Variants in SPTAN1 observed in about 807,000 individuals in gnomAD.
SPTAN1 encodes the protein spectrin alpha, non-erythrocytic 1, also known as spectrin alpha chain, non-erythrocytic 1.
Under a neutral mutation model 331.3 loss-of-function variants are expected in SPTAN1, and 61 were observed. That is an observed-to-expected ratio of 0.18 (90% confidence interval 0.15 to 0.23). The LOEUF (loss-of-function observed/expected upper bound fraction) is 0.23. Ranked by LOEUF, SPTAN1 falls within the 10% of genes least tolerant of loss-of-function variation. The probability of loss-of-function intolerance (pLI) is 1.00; values close to 1 mark genes in which losing one functional copy is unlikely to be tolerated. For synonymous variants in SPTAN1, 1,153 were observed against 1,173.9 expected, an observed-to-expected ratio of 0.98 and a Z score of 0.36; for missense variants, 2,043 against 3,147.9, an observed-to-expected ratio of 0.65 and a Z score of 8.40.
intron 27 of SPTAN1, 107 bp from the exon 28 acceptor site, chr9:128,603,436 A>G: frequency 8.7e-7 from 1 of 1,149,378 alleles, no homozygotes; most frequent in Non-Finnish European, 1.3e-6. Context: ...TATCCCTTTA[A>G]GGTAATTTGG....
At chr9:128,585,625 A>G (rs992318562) in intron 18 of SPTAN1, 123 bp from the exon 19 acceptor site, 3 of 831,816 alleles carry the variant, frequency 3.6e-6, no homozygotes, top group Non-Finnish European at 6.0e-6. Context: ...GAATTATGAA[A>G]GGGCACAGCT....
chr9:128,607,919 T>A lies in SPTAN1; in HGVS notation c.4214T>A (p.Leu1405Gln). 6.2e-7 allele frequency: 1 copy of A among 1,614,008 alleles called. No homozygotes were observed. Among genetic ancestry groups the A allele is most frequent in the Non-Finnish European group, 8.5e-7 (1 of 1,180,030 alleles). Reference sequence around the variant, plus strand: ...GCATTTGAGCAGTTTGGACAGCAGCTGTTGGCTCACGGACACTATGCCAGC... The same window carrying A: ...GCATTTGAGCAGTTTGGACAGCAGCAGTTGGCTCACGGACACTATGCCAGC... The part of the protein sequence containing the change: ...FQAFEQFGQQ[L>Q]LAHGHYASPE... The change falls in exon 33 of 57, where the codon CTG becomes CAG. Residue 1405 changes from leucine (L) to glutamine (Q), a missense_variant. Leu to Gln is a moderately radical substitution (Grantham distance 113, BLOSUM62 -2). Transcript: ENST00000372739.
At chr9:128,616,097 G>A (rs1165128558) in intron 41 of SPTAN1, among the ~76,000 whole-genome samples, 1 of 152,158 alleles carries the variant, frequency 6.6e-6, no homozygotes, top group East Asian at 1.9e-4. Flanking sequence ...AAGTTAGTGA[G>A]TTTGTTTCTG....
At chr9:128,582,964 A>T in intron 14 of SPTAN1, 113 bp from the exon 15 acceptor site, 1 of 1,580,602 alleles carries the variant, frequency 6.3e-7, no homozygotes, top group South Asian at 1.1e-5. Context: ...CCACTACTTA[A>T]TGTAAGCCAA....
intron 41 of SPTAN1, among the ~76,000 whole-genome samples, chr9:128,617,296 A>G (rs980066240): frequency 2.6e-5 from 4 of 152,062 alleles, no homozygotes; most frequent in African/African-American, 4.8e-5. Context: ...ATATTTACAG[A>G]CATATATTGA....
rs1190475290 is a variant in SPTAN1 at position 128,574,753 on chromosome 9, G to A, written c.442G>A (p.Ala148Thr). The change falls in exon 4 of 57, where the codon GCC (alanine) becomes ACC (threonine). Residue 148 changes from alanine (A) to threonine (T), a missense_variant. This residue lies in a region of SPTAN1 where 1,038 missense variants were observed against 1,531.5 expected (regional missense o/e 0.68). Transcript: ENST00000372739. Reference sequence around the variant, plus strand: ...AGAAAAAGGAATCAAACTGCTGCAGGCCCAGAAGTTGGTGCAGTACTTACG... The same window carrying A: ...AGAAAAAGGAATCAAACTGCTGCAGACCCAGAAGTTGGTGCAGTACTTACG... The part of the protein sequence containing the change: ...MREKGIKLLQ[A>T]QKLVQYLREC... 3 of 1,614,180 alleles carry A rather than the reference G, an allele frequency of 1.9e-6. No homozygotes were observed. Among genetic ancestry groups the A allele is most frequent in the Non-Finnish European group, 2.5e-6 (3 of 1,180,024 alleles).
At chr9:128,595,845 C>T (rs1197404566) in intron 24 of SPTAN1, 1 of 151,980 alleles carries the variant, frequency 6.6e-6, no homozygotes, top group African/African-American at 2.4e-5. Flanking sequence ...GGTTTTCTTT[C>T]TTTTATTTAT....
chr9:128,617,827 C>T (rs1438209525), intron 42 of SPTAN1, 67 bp downstream of exon 42: 1 of 1,611,692 alleles, frequency 6.2e-7, no homozygotes, highest in Non-Finnish European at 8.5e-7. Context: ...ACAGACAAAC[C>T]CCTTGCGCTT....
At chr9:128,608,684 T>C (rs1856212322) in intron 34 of SPTAN1, among the ~76,000 whole-genome samples, 190 bp from the exon 35 acceptor site, 1 of 152,258 alleles carries the variant, frequency 6.6e-6, no homozygotes, top group South Asian at 2.1e-4. Flanking sequence ...TAAACTCTAC[T>C]CTAGTAATGA....
In SPTAN1 at chr9:128,632,340, T is replaced by C. The variant is rs1328978691; in HGVS notation, c.6959+17T>C. On this transcript the variant is annotated intron_variant, in intron 53 of 56. Coordinates refer to ENST00000372739, the MANE Select transcript of SPTAN1 (RefSeq NM_001130438.3). ...CCAGGCCAGGTACCCGGGAGGGCTG[T>C]GGGCCAGGCTCAGCCCAGAGCAGGG... is the stretch of plus-strand genomic sequence containing the variant. 1 of 1,613,532 alleles carries C rather than the reference T, an allele frequency of 6.2e-7. No individual in the cohort carries two copies. Among genetic ancestry groups the C allele is most frequent in the Non-Finnish European group, 8.5e-7 (1 of 1,179,858 alleles).
chr9:128,606,749 G>A (rs1403846435), intron 31 of SPTAN1, among the ~76,000 whole-genome samples: 1 of 152,068 alleles, frequency 6.6e-6, no homozygotes, highest in Non-Finnish European at 1.5e-5. Flanking sequence ...GCCTCCCAAA[G>A]TGCTGGGATT....
intron 29 of SPTAN1, 93 bp downstream of exon 29, chr9:128,604,510 A>C: frequency 8.1e-7 from 1 of 1,229,444 alleles, no homozygotes; most frequent in Non-Finnish European, 1.2e-6. Context: ...TCCTAGAGCA[A>C]CTGCTGGCTC....
Position 128,583,913 on chromosome 9 carries a change from G to A in SPTAN1, c.2137G>A (p.Val713Met). 6.2e-7 allele frequency: 1 copy of A among 1,614,216 alleles called. No homozygotes were observed. The highest frequency in any genetic ancestry group is 8.5e-7 in the Non-Finnish European group (1 of 1,180,038). ...SDDYGKDLTN[V>M]QNLQKKHALL... is the part of the protein sequence containing the mutation. ...TGATTACGGCAAAGATCTTACCAAT[G>A]TGCAGAACCTCCAGAAGAAACATGC... The change falls in exon 16 of 57, where the codon GTG becomes ATG. Residue 713 changes from valine to methionine, a missense_variant. By Grantham distance (21) the Val-to-Met change is conservative. Around this residue, in one of 12 missense-constraint regions of SPTAN1, gnomAD observed 1,038 missense variants for 1,531.5 expected, o/e 0.68. Coordinates refer to ENST00000372739, the MANE Select transcript of SPTAN1 (RefSeq NM_001130438.3).
intron 41 of SPTAN1, among the ~76,000 whole-genome samples, chr9:128,616,375 T>A (rs1335486971): frequency 1.3e-5 from 2 of 151,358 alleles, no homozygotes; most frequent in African/African-American, 4.8e-5. Flanking sequence ...TCCACCCACC[T>A]GGGCCTCCCA....
intron 51 of SPTAN1, 92 bp downstream of exon 51, chr9:128,628,034 G>A (rs1859045166): frequency 6.6e-7 from 1 of 1,511,384 alleles, no homozygotes. Context: ...ATCCCGGGAT[G>A]GGCCTTCCTG....
rs201947293 is a variant in SPTAN1 at position 128,577,494 on chromosome 9, A to G, written c.1073A>G (p.Asn358Ser). The change falls in exon 8 of 57, where the codon AAT becomes AGT. Residue 358 changes from asparagine to serine, a missense_variant. Physicochemically the swap from Asn to Ser is conservative, Grantham distance 46. Around this residue, in one of 12 missense-constraint regions of SPTAN1, gnomAD observed 1,038 missense variants for 1,531.5 expected, o/e 0.68. Transcript: ENST00000372739. The surrounding 1 kb of genome is among the most constrained non-coding windows in gnomAD (Gnocchi z 4.2). ...GCGGCAGAGAGACATGCACGGCTCA[A>G]TGATTCATACAGGTGCAAATAATGC... The part of the protein sequence containing the change: ...TLAAERHARL[N>S]DSYRLQRFLA... 6.1e-5 allele frequency: 98 copies of G among 1,613,940 alleles called. No homozygotes were observed. Among genetic ancestry groups the G allele is most frequent in the Middle Eastern group, 3.3e-4 (2 of 5,992 alleles).
At chr9:128,574,573 T>G (rs1341818006) in intron 3 of SPTAN1, 102 bp from the exon 4 acceptor site, 9 of 1,339,218 alleles carry the variant, frequency 6.7e-6, no homozygotes, top group Non-Finnish European at 6.4e-6. Flanking sequence ...ATATTTTTAT[T>G]CAGCGCTCCA....
intron 55 of SPTAN1, 23 bp downstream of exon 55, chr9:128,632,741 C>CT: frequency 6.2e-7 from 1 of 1,614,064 alleles, no homozygotes; most frequent in Non-Finnish European, 8.5e-7. Context: ...AGGCCAGGTG[C>CT]TGTGAGCCTC....
Position 128,576,860 on chromosome 9 carries a change from A to T in SPTAN1, c.689A>T (p.Gln230Leu). The change falls in exon 6 of 57, where the codon CAG becomes CTG. Residue 230 changes from glutamine to leucine, a missense_variant. Coordinates refer to ENST00000372739, the MANE Select transcript of SPTAN1 (RefSeq NM_001130438.3). Reference sequence around the variant, plus strand: ...GAGGAGGAACTGATCAAGACTAAGCAGGATGAAGTCAATGCAGCCTGGCAG... The same window carrying T: ...GAGGAGGAACTGATCAAGACTAAGCTGGATGAAGTCAATGCAGCCTGGCAG... ...HPEEELIKTKQDEVNAAWQRL... is the reference protein window; with the variant it reads ...HPEEELIKTKLDEVNAAWQRL... The T allele has an allele frequency of 6.2e-7, 1 of 1,614,080 alleles. No homozygotes were observed.
Sources: gnomAD v4.1 joint callset for allele counts (sites outside exome capture counted in the v4.1 genomes callset) on GRCh38, gnomAD v4.1.1 for gene constraint, gnomAD v4.1.1 regional missense constraint, Gnocchi (gnomAD v3.1) non-coding constraint, MANE v1.5 for transcripts, NCBI Gene and HGNC (gene_info 2026-07-23, HGNC 2026-07-21) for gene names.